The following PSMD14 variants were observed in gnomAD, a reference collection of about 807,000 sequenced individuals.
PSMD14 encodes the protein proteasome 26S subunit, non-ATPase 14.
Under a neutral mutation model 41.2 loss-of-function variants are expected in PSMD14, and 7 were observed. The observed-to-expected ratio is 0.17, with a 90% CI of 0.10 to 0.32. The LOEUF (loss-of-function observed/expected upper bound fraction) is 0.32, where lower values mean the gene tolerates loss of function less well. Among genes scored for constraint, PSMD14 ranks in the 10% least tolerant of loss-of-function variants. The probability of loss-of-function intolerance (pLI) is 1.00; values close to 1 mark genes in which losing one functional copy is unlikely to be tolerated. For synonymous variants in PSMD14, 114 were observed against 122.3 expected (o/e 0.93, Z 0.45); for missense variants, 139 against 375.6 (o/e 0.37, Z 5.21).
intron 3 of PSMD14, chr2:161,319,077 GA>G (rs2105230839): frequency 2.5e-6 from 1 of 399,050 alleles, no homozygotes; most frequent in South Asian, 9.9e-5. Flanking sequence ...TTTCTCCTGG[GA>G]ATAAGAATTT....
At chr2:161,403,023 C>T (rs551331996) in intron 10 of PSMD14, among the ~76,000 whole-genome samples, 203 of 152,252 alleles carry the variant, frequency 1.3e-3, no homozygotes, top group African/African-American at 4.6e-3. Flanking sequence ...CCATATGAGC[C>T]AGCAATTCTG....
intron 1 of PSMD14, among the ~76,000 whole-genome samples, 164 bp from the exon 2 acceptor site, chr2:161,316,273 C>G (rs1198477604): frequency 6.6e-6 from 1 of 152,076 alleles, no homozygotes; most frequent in African/African-American, 2.4e-5. Context: ...TCTGTAGCTC[C>G]CTGTAAGGGA....
chr2:161,314,151 C>G (rs1689122944), intron 1 of PSMD14, among the ~76,000 whole-genome samples: 1 of 152,200 alleles, frequency 6.6e-6, no homozygotes, highest in Non-Finnish European at 1.5e-5. Flanking sequence ...AAAATTTCTA[C>G]ATTATCCATT....
Position 161,341,059 on chromosome 2 carries a change from C to G in PSMD14, c.48+22186C>G, listed in dbSNP as rs544554106. 179 of 1,575,724 alleles carry G rather than the reference C, an allele frequency of 1.1e-4. No individual in the cohort carries two copies. The African/African-American group carries it at 2.1e-3, about 19-fold the overall frequency. ...GGATCCCCTGGCCCTTCGGGCTCCC[C>G]CGGTCCCGCAGGCTCCCCGAGCTCC... is the stretch of plus-strand genomic sequence containing the variant. On this transcript the variant is annotated intron_variant, in intron 3 of 11. Coordinates refer to ENST00000409682, the MANE Select transcript of PSMD14 (RefSeq NM_005805.6).
intron 3 of PSMD14, among the ~76,000 whole-genome samples, chr2:161,347,695 C>G (rs1305741988): frequency 6.6e-6 from 1 of 152,100 alleles, no homozygotes; most frequent in African/African-American, 2.4e-5. Context: ...ATTTCTTAAA[C>G]AAGATAGCAC....
chr2:161,346,380 T>C (rs1166791819), intron 3 of PSMD14, among the ~76,000 whole-genome samples: 1 of 152,058 alleles, frequency 6.6e-6, no homozygotes, highest in Non-Finnish European at 1.5e-5. Context: ...GGGTCATTTT[T>C]ATGTTTTCCA....
At chr2:161,315,015 T>C (rs1010207938) in intron 1 of PSMD14, among the ~76,000 whole-genome samples, 3 of 152,232 alleles carry the variant, frequency 2.0e-5, no homozygotes, top group African/African-American at 7.2e-5. Flanking sequence ...GTTCTTAAGT[T>C]TGAGAAAATT....
chr2:161,325,224 A>G (rs1217055483), intron 3 of PSMD14, among the ~76,000 whole-genome samples: 4 of 152,122 alleles, frequency 2.6e-5, no homozygotes, highest in Non-Finnish European at 4.4e-5. Context: ...AAAATAAGGG[A>G]AAAATACTGT....
At chr2:161,337,300 T>C (rs1454737085) in intron 3 of PSMD14, among the ~76,000 whole-genome samples, 3 of 152,226 alleles carry the variant, frequency 2.0e-5, no homozygotes, top group South Asian at 2.1e-4. Context: ...TTAGAATTGC[T>C]CTTTTTTGGT....
chr2:161,332,377 G>A (rs1052991862), intron 3 of PSMD14, among the ~76,000 whole-genome samples: 4 of 152,080 alleles, frequency 2.6e-5, no homozygotes, highest in Admixed American at 6.5e-5. Context: ...GCCAAAATAT[G>A]TTGTTTTATT....
intron 3 of PSMD14, among the ~76,000 whole-genome samples, chr2:161,363,502 T>C (rs1683319627): frequency 6.6e-6 from 1 of 152,244 alleles, no homozygotes; most frequent in African/African-American, 2.4e-5. Context: ...GTTTCAAAGA[T>C]AAGGAACTTC....
intron 8 of PSMD14, among the ~76,000 whole-genome samples, 192 bp downstream of exon 8, chr2:161,385,763 G>T (rs983638586): frequency 6.6e-6 from 1 of 151,570 alleles, no homozygotes; most frequent in Non-Finnish European, 1.5e-5. Context: ...TTTTAATGGG[G>T]TCTTTAAATT....
intron 3 of PSMD14, among the ~76,000 whole-genome samples, chr2:161,357,076 C>CTTTTTTT (rs71281822): frequency 4.8e-5 from 6 of 124,184 alleles, no homozygotes; most frequent in South Asian, 2.7e-4. Flanking sequence ...TGGCAAATGC[C>CTTTTTTT]TTTTTTTTTT....
chr2:161,401,273 C>T (rs1468506756), intron 10 of PSMD14, among the ~76,000 whole-genome samples: 3 of 152,172 alleles, frequency 2.0e-5, no homozygotes, highest in African/African-American at 7.2e-5. Flanking sequence ...TTTATATTAT[C>T]AGTAAGGCTT....
rs1481760798 is a variant in PSMD14, at chr2:161,367,558, T to C, written c.120+9T>C. 2 of 1,585,646 alleles carry C rather than the reference T, an allele frequency of 1.3e-6. No individual in the cohort carries two copies. The highest frequency in any genetic ancestry group is 2.3e-5 in the East Asian group (1 of 44,026). On this transcript the variant is annotated intron_variant, in intron 4 of 11. Transcript: ENST00000409682. ...CCCTGGCACTGTTAAAAGTAGGTAA[T>C]GAATGTAGTTACTTGCTTTAGAGAA... is the stretch of plus-strand genomic sequence containing the variant.
intron 7 of PSMD14, among the ~76,000 whole-genome samples, chr2:161,376,365 G>A (rs1283496378): frequency 6.6e-6 from 1 of 151,588 alleles, no homozygotes; most frequent in South Asian, 2.1e-4. Flanking sequence ...ATATTAGGAG[G>A]TGTGCAATAA....
intron 1 of PSMD14, among the ~76,000 whole-genome samples, chr2:161,313,470 C>T (rs889219821): frequency 2.0e-5 from 3 of 152,184 alleles, no homozygotes; most frequent in Non-Finnish European, 4.4e-5. Context: ...CTACCTCAGC[C>T]TCCCCAGTAG....
At chr2:161,376,696 C>T (rs1683507737) in intron 7 of PSMD14, among the ~76,000 whole-genome samples, 2 of 151,774 alleles carry the variant, frequency 1.3e-5, no homozygotes, top group Admixed American at 1.3e-4. Flanking sequence ...GAAACTTGGG[C>T]CTATGAGGTG....
chr2:161,309,649 A>G (rs143511924), intron 1 of PSMD14, among the ~76,000 whole-genome samples: 57 of 152,322 alleles, frequency 3.7e-4, no homozygotes, highest in Admixed American at 3.6e-3. Flanking sequence ...TAAGATATAT[A>G]GTGGTTCTGA....
Sources: allele counts gnomAD v4.1 joint callset (sites outside exome capture counted in the v4.1 genomes callset), GRCh38; gene constraint gnomAD v4.1.1; transcripts MANE v1.5; gene names NCBI Gene and HGNC (gene_info 2026-07-23, HGNC 2026-07-21).